AKR1B15: variants seen among roughly 807,000 people sequenced by gnomAD.
AKR1B15 encodes the protein aldo-keto reductase family 1 member B15.
A neutral mutation model predicts 38.5 loss-of-function variants in AKR1B15; 49 were observed. The ratio of observed to expected loss-of-function variants is 1.27; its 90% confidence interval spans 1.01 to 1.62. The LOEUF (loss-of-function observed/expected upper bound fraction) is 1.62. Ranked by LOEUF, AKR1B15 falls within the 40% of genes most tolerant of loss-of-function variation. The pLI is 0.00. For synonymous variants in AKR1B15, 137 were observed against 135.5 expected (o/e 1.01, Z -0.08); for missense variants, 411 against 381.6 (o/e 1.08, Z -0.64).
chr7:134,560,496 T>G (rs1228975578), intron 2 of AKR1B15, among the ~76,000 whole-genome samples: 1 of 152,146 alleles, frequency 6.6e-6, no homozygotes, highest in Non-Finnish European at 1.5e-5. Flanking sequence ...TAATAACCAG[T>G]TGGGTTGTTA....
intron 1 of AKR1B15, among the ~76,000 whole-genome samples, chr7:134,551,343 C>T (rs975436634): frequency 6.6e-6 from 1 of 152,152 alleles, no homozygotes; most frequent in Non-Finnish European, 1.5e-5. Context: ...TTTATGTCCC[C>T]TTCTCTACTT....
intron 2 of AKR1B15, among the ~76,000 whole-genome samples, chr7:134,561,408 TG>T (rs1160633797): frequency 1.3e-5 from 2 of 152,206 alleles, no homozygotes; most frequent in Admixed American, 6.5e-5. Flanking sequence ...GGTTTCACCA[TG>T]TTGGCCAGGC....
Position 134,575,550 on chromosome 7 carries a change from C to T in AKR1B15, c.636+8C>T. ...AAACCAGTGACTAACCAGGTAAATT[C>T]TATTCAGTTTAAGGGTAAGGGTCCT... is the stretch of plus-strand genomic sequence containing the variant. On this transcript the variant is annotated splice_region_variant and intron_variant, in intron 7 of 11. Transcript: ENST00000457545. 5 of 1,613,748 alleles carry T rather than the reference C, an allele frequency of 3.1e-6. No homozygotes were observed. Among genetic ancestry groups the T allele is most frequent in the African/African-American group, 1.3e-5 (1 of 75,006 alleles).
rs1020395503 is a variant in AKR1B15 at position 134,579,692 on chromosome 7, T to A, written c.*143T>A. On this transcript the variant is annotated 3_prime_UTR_variant, in exon 12 of 12. Coordinates refer to ENST00000457545, the MANE Select transcript of AKR1B15 (RefSeq NM_001080538.3). ...GTTGTAGACCAGAATGGAGGTGCTG[T>A]TTTAGACATGTATTTCTGTATGTTC... 3.1e-6 allele frequency: 2 copies of A among 646,464 alleles called. No individual in the cohort carries two copies. Among genetic ancestry groups the A allele is most frequent in the Non-Finnish European group, 5.1e-6 (2 of 393,772 alleles). The allele number at this position is 646,464 out of a possible 1,614,324, so 40.0% of individuals were successfully genotyped here.
intron 6 of AKR1B15, among the ~76,000 whole-genome samples, chr7:134,575,008 T>C (rs953148431): frequency 2.7e-4 from 41 of 152,346 alleles, no homozygotes; most frequent in South Asian, 2.1e-4. Context: ...GTGTACAATG[T>C]ACACACACAA....
intron 1 of AKR1B15, among the ~76,000 whole-genome samples, chr7:134,556,123 T>A (rs1322010431): frequency 6.6e-6 from 1 of 152,160 alleles, no homozygotes; most frequent in East Asian, 1.9e-4. Context: ...CCAGAAAAAA[T>A]TCCTGGTCCC....
chr7:134,570,716 G>T (rs1191220937), intron 5 of AKR1B15, among the ~76,000 whole-genome samples: 2 of 152,206 alleles, frequency 1.3e-5, no homozygotes, highest in African/African-American at 4.8e-5. Flanking sequence ...GAGCAGGAGA[G>T]CTTGCACTTC....
chr7:134,565,248 T>G, intron 3 of AKR1B15: 1 of 586,334 alleles, frequency 1.7e-6, no homozygotes, highest in Non-Finnish European at 2.9e-6. Context: ...GTCTGCGGCT[T>G]CATTCTTGAA....
intron 2 of AKR1B15, among the ~76,000 whole-genome samples, chr7:134,562,895 T>TTTCTTTCTTTCTTTCC (rs1562947153): frequency 1.4e-5 from 2 of 140,774 alleles, no homozygotes; most frequent in African/African-American, 5.7e-5. Flanking sequence ...TCTTTCCTTC[T>TTTCTTTCTTTCTTTCC]TTCTTCCTTC....
At chr7:134,578,293 CG>C (rs1794808097) in intron 11 of AKR1B15, among the ~76,000 whole-genome samples, 1 of 152,094 alleles carries the variant, frequency 6.6e-6, no homozygotes, top group Admixed American at 6.5e-5. Flanking sequence ...ATCCTTTATA[CG>C]GGTTGGGTCA....
chr7:134,562,403 T>C (rs1373021087), intron 2 of AKR1B15, among the ~76,000 whole-genome samples: 1 of 150,988 alleles, frequency 6.6e-6, no homozygotes, highest in Non-Finnish European at 1.5e-5. Flanking sequence ...TCCTGTTGAT[T>C]GGTCCATTTT....
intron 5 of AKR1B15, among the ~76,000 whole-genome samples, chr7:134,570,938 C>T (rs1244208261): frequency 6.6e-6 from 1 of 152,182 alleles, no homozygotes; most frequent in African/African-American, 2.4e-5. Flanking sequence ...GGTTGCCCTC[C>T]CAGGAAACCT....
intron 1 of AKR1B15, among the ~76,000 whole-genome samples, chr7:134,550,431 G>A (rs1793927960): frequency 6.6e-6 from 1 of 152,064 alleles, no homozygotes; most frequent in Non-Finnish European, 1.5e-5. Flanking sequence ...TCGAGTCGTG[G>A]AGACACCAAA....
intron 2 of AKR1B15, among the ~76,000 whole-genome samples, chr7:134,560,080 C>G (rs539364469): frequency 6.6e-6 from 1 of 151,698 alleles, no homozygotes; most frequent in African/African-American, 2.4e-5. Flanking sequence ...TGCACTCCAG[C>G]CTGGGTGACA....
Position 134,571,629 on chromosome 7 carries a change from A to T in AKR1B15, c.461A>T (p.Asp154Val), listed in dbSNP as rs778685873. The T allele has an allele frequency of 3.7e-6, 6 of 1,613,356 alleles. No individual in the cohort carries two copies. In the African/African-American group the frequency reaches 5.3e-5, roughly 14 times the overall value. ...ACTGGGGATGACTTTTTCCCCAAAG[A>T]TGATAAAGGTAATATGATCAGTGGA... is the stretch of plus-strand genomic sequence containing the variant. Reference protein sequence around the residue: ...FKTGDDFFPKDDKGNMISGKG... With the variant: ...FKTGDDFFPKVDKGNMISGKG... The change falls in exon 6 of 12, where the codon GAT becomes GTT. Residue 154 changes from aspartate (D) to valine (V), a missense_variant. This residue lies in a region of AKR1B15 where 254 missense variants were observed against 212.4 expected (regional missense o/e 1.20). Coordinates refer to ENST00000457545, the MANE Select transcript of AKR1B15 (RefSeq NM_001080538.3).
intron 11 of AKR1B15, 82 bp downstream of exon 11, chr7:134,577,868 T>G: frequency 1.3e-6 from 2 of 1,482,094 alleles, no homozygotes; most frequent in Non-Finnish European, 1.9e-6. Context: ...ATTAGAAGGT[T>G]GTTGGGACTA....
Position 134,576,395 on chromosome 7 carries a change from G to C in AKR1B15, c.790G>C (p.Glu264Gln), listed in dbSNP as rs1202814212. ...PSLLEDPKIK[E>Q]IAAKHKKTTA... ...CCTGCTGGAGGATCCCAAGATTAAG[G>C]AGATTGCTGCAAAGCACAAAAAAAC... The change falls in exon 9 of 12, where the codon GAG becomes CAG. Residue 264 changes from glutamate to glutamine, a missense_variant. Around this residue, in one of 3 missense-constraint regions of AKR1B15, gnomAD observed 133 missense variants for 120.3 expected, o/e 1.11. Transcript: ENST00000457545. The C allele has an allele frequency of 1.9e-6, 3 of 1,614,082 alleles. No individual in the cohort carries two copies. The highest frequency in any genetic ancestry group is 1.7e-6 in the Non-Finnish European group (2 of 1,179,982).
chr7:134,564,478 C>A, intron 2 of AKR1B15, 120 bp from the exon 3 acceptor site: 1 of 486,502 alleles, frequency 2.1e-6, no homozygotes, highest in Non-Finnish European at 3.6e-6. Flanking sequence ...ATTCTTACAC[C>A]AACCTCTGGA....
At chr7:134,560,888 G>A (rs558333477) in intron 2 of AKR1B15, among the ~76,000 whole-genome samples, 51 of 152,286 alleles carry the variant, frequency 3.3e-4, no homozygotes, top group Admixed American at 5.2e-4. Flanking sequence ...CACCACTTTC[G>A]TGATTGATCT....
Sources: allele counts gnomAD v4.1 joint callset (sites outside exome capture counted in the v4.1 genomes callset), GRCh38; gene constraint gnomAD v4.1.1; regional missense constraint gnomAD v4.1.1; transcripts MANE v1.5; gene names NCBI Gene and HGNC (gene_info 2026-07-23, HGNC 2026-07-21).